CHST11: variants seen among roughly 807,000 people sequenced by gnomAD.
The protein encoded by CHST11 is C4S-1.
Under a neutral mutation model 30.4 loss-of-function variants are expected in CHST11, and 9 were observed. The ratio of observed to expected loss-of-function variants is 0.30; its 90% confidence interval spans 0.18 to 0.52. CHST11 has a LOEUF of 0.52. Among genes scored for constraint, CHST11 ranks in the 20% least tolerant of loss-of-function variants. The probability of loss-of-function intolerance (pLI) is 0.97; values close to 1 mark genes in which losing one functional copy is unlikely to be tolerated. For synonymous variants in CHST11, 152 were observed against 187.8 expected (o/e 0.81, Z 1.56); for missense variants, 348 against 460.6 (o/e 0.76, Z 2.24).
At chr12:104,467,585 G>A (rs977776943) in intron 1 of CHST11, among the ~76,000 whole-genome samples, 2 of 152,200 alleles carry the variant, frequency 1.3e-5, no homozygotes, top group Non-Finnish European at 2.9e-5. Flanking sequence ...CTTGGGTTCT[G>A]TCTCATGTAG....
At chr12:104,650,012 C>T (rs940581109) in intron 2 of CHST11, among the ~76,000 whole-genome samples, 4 of 152,154 alleles carry the variant, frequency 2.6e-5, no homozygotes, top group Non-Finnish European at 4.4e-5. Context: ...AAGAAAATTT[C>T]CCCCACAGTG....
chr12:104,676,750 G>A lies in CHST11; in HGVS notation c.204+74759G>A, dbSNP rs919912939. On this transcript the variant is annotated intron_variant, in intron 2 of 2. Coordinates refer to ENST00000303694, the MANE Select transcript of CHST11 (RefSeq NM_018413.6). The surrounding 1 kb of genome is among the most constrained non-coding windows in gnomAD (Gnocchi z 4.4). ...AGCTGCAGCTCACTTGGGAAATCCAGGATAACCTTCCCACCTCAAGACCCT... is the reference window on the plus strand; with the variant it reads ...AGCTGCAGCTCACTTGGGAAATCCAAGATAACCTTCCCACCTCAAGACCCT... 6.6e-6 allele frequency among the ~76,000 whole-genome samples: 1 copy of A among 152,190 alleles called. No individual in the cohort carries two copies. The highest frequency in any genetic ancestry group is 1.5e-5 in the Non-Finnish European group (1 of 68,014).
At chr12:104,492,157 C>T (rs1021692776) in intron 1 of CHST11, among the ~76,000 whole-genome samples, 10 of 152,090 alleles carry the variant, frequency 6.6e-5, no homozygotes, top group African/African-American at 2.4e-4. Flanking sequence ...AGTGCAGTGG[C>T]GCGATCTCTG....
chr12:104,516,266 A>C (rs1206281209), intron 1 of CHST11, among the ~76,000 whole-genome samples: 1 of 152,152 alleles, frequency 6.6e-6, no homozygotes, highest in Non-Finnish European at 1.5e-5. Flanking sequence ...GGCAAATGTT[A>C]GTTGAGAGAG....
chr12:104,611,899 T>C (rs1358767881), intron 2 of CHST11, among the ~76,000 whole-genome samples: 4 of 152,170 alleles, frequency 2.6e-5, no homozygotes, highest in African/African-American at 7.2e-5. Context: ...TTGGAGAGAA[T>C]AGGAGCAGGG....
At chr12:104,691,355 T>C (rs993940391) in intron 2 of CHST11, among the ~76,000 whole-genome samples, 1 of 151,938 alleles carries the variant, frequency 6.6e-6, no homozygotes, top group Non-Finnish European at 1.5e-5. Context: ...TTCCAGTTCA[T>C]CCACTGTTAG....
chr12:104,597,868 G>A (rs2038921829), intron 1 of CHST11, among the ~76,000 whole-genome samples: 1 of 152,238 alleles, frequency 6.6e-6, no homozygotes, highest in Admixed American at 6.5e-5. Context: ...TTACCTGTCA[G>A]TGAAGAGGTG....
chr12:104,632,714 T>C (rs2039282576), intron 2 of CHST11, among the ~76,000 whole-genome samples: 2 of 152,262 alleles, frequency 1.3e-5, no homozygotes, highest in African/African-American at 2.4e-5. Context: ...TTATCTGAAA[T>C]GACCCTGGGT....
chr12:104,572,035 G>T (rs2038631498), intron 1 of CHST11, among the ~76,000 whole-genome samples: 1 of 151,952 alleles, frequency 6.6e-6, no homozygotes, highest in African/African-American at 2.4e-5. Flanking sequence ...TGCATATGTT[G>T]AACCAGCCTT....
At chr12:104,629,076 G>A (rs1216567312) in intron 2 of CHST11, among the ~76,000 whole-genome samples, 2 of 152,148 alleles carry the variant, frequency 1.3e-5, no homozygotes, top group South Asian at 4.1e-4. Context: ...CATTCTAAAC[G>A]ATCTAGAGTT....
chr12:104,688,967 G>A (rs1230441469), intron 2 of CHST11, among the ~76,000 whole-genome samples: 1 of 152,152 alleles, frequency 6.6e-6, no homozygotes, highest in Non-Finnish European at 1.5e-5. Context: ...AGGAGGAGGT[G>A]AAGGAGACAA....
intron 1 of CHST11, among the ~76,000 whole-genome samples, chr12:104,503,956 A>G (rs147959484): frequency 1.5e-4 from 23 of 152,340 alleles, no homozygotes; most frequent in African/African-American, 5.3e-4. Flanking sequence ...TTTGGACTCA[A>G]CCTTGTAATT....
At chr12:104,720,836 T>C (rs2040170009) in intron 2 of CHST11, among the ~76,000 whole-genome samples, 1 of 152,268 alleles carries the variant, frequency 6.6e-6, no homozygotes, top group African/African-American at 2.4e-5. Flanking sequence ...CAGTCGCTGC[T>C]GCTTTGGGAC....
At chr12:104,702,071 G>T (rs1042805430) in intron 2 of CHST11, among the ~76,000 whole-genome samples, 2 of 152,034 alleles carry the variant, frequency 1.3e-5, no homozygotes, top group Non-Finnish European at 2.9e-5. Flanking sequence ...TTATTCATTC[G>T]AGAAGCAGGC....
chr12:104,495,078 C>A (rs1268639980), intron 1 of CHST11, among the ~76,000 whole-genome samples: 1 of 152,156 alleles, frequency 6.6e-6, no homozygotes, highest in Non-Finnish European at 1.5e-5. Flanking sequence ...TACAGTATTT[C>A]TGTTTTTGGG....
At chr12:104,720,154 T>C (rs1487634067) in intron 2 of CHST11, among the ~76,000 whole-genome samples, 1 of 152,234 alleles carries the variant, frequency 6.6e-6, no homozygotes, top group African/African-American at 2.4e-5. Flanking sequence ...CGCTTCCTCC[T>C]GAAACACTGC....
chr12:104,483,714 G>A (rs1008656149), intron 1 of CHST11, among the ~76,000 whole-genome samples: 2 of 152,180 alleles, frequency 1.3e-5, no homozygotes, highest in African/African-American at 4.8e-5. Context: ...TCAGTATTCT[G>A]CTCCACAAGC....
intron 1 of CHST11, among the ~76,000 whole-genome samples, chr12:104,501,671 G>C (rs2037855264): frequency 6.6e-6 from 1 of 152,186 alleles, no homozygotes; most frequent in Non-Finnish European, 1.5e-5. Flanking sequence ...AGCCTGGTCT[G>C]GTATTTATAG....
chr12:104,505,334 AC>A (rs1203835373), intron 1 of CHST11, among the ~76,000 whole-genome samples: 2 of 151,022 alleles, frequency 1.3e-5, no homozygotes, highest in African/African-American at 4.9e-5. Flanking sequence ...CACCCCCCAC[AC>A]CCCCCCAGCA....
Sources: allele counts gnomAD v4.1 joint callset (sites outside exome capture counted in the v4.1 genomes callset), GRCh38; gene constraint gnomAD v4.1.1; non-coding constraint Gnocchi (gnomAD v3.1); transcripts MANE v1.5; gene names NCBI Gene and HGNC (gene_info 2026-07-23, HGNC 2026-07-21).